TENM4: variants seen among roughly 807,000 people sequenced by gnomAD.
TENM4 encodes the protein teneurin-4.
TENM4 carries 82 observed loss-of-function variants against 243.3 expected under a neutral mutation model. The ratio of observed to expected loss-of-function variants is 0.34; its 90% confidence interval spans 0.28 to 0.40. The LOEUF is 0.40. Among genes scored for constraint, TENM4 ranks in the 10% least tolerant of loss-of-function variants. The pLI is 1.00. For missense variants in TENM4, 3,138 were observed against 3,673.3 expected, an observed-to-expected ratio of 0.85 and a Z score of 3.77; for synonymous variants, 1,412 against 1,456.3, an observed-to-expected ratio of 0.97 and a Z score of 0.69.
chr11:79,383,293 G>A (rs1251910032), intron 1 of TENM4, among the ~76,000 whole-genome samples: 1 of 152,158 alleles, frequency 6.6e-6, no homozygotes, highest in African/African-American at 2.4e-5. Context: ...GCTCTCTTTT[G>A]GCTTCAGAAA....
intron 2 of TENM4, among the ~76,000 whole-genome samples, chr11:79,229,969 G>A (rs1864344243): frequency 1.3e-5 from 2 of 150,480 alleles, no homozygotes; most frequent in African/African-American, 2.5e-5. Flanking sequence ...TGCAACTACA[G>A]CTGCATATCA....
chr11:79,153,183 A>G (rs1862542252), intron 3 of TENM4, among the ~76,000 whole-genome samples: 1 of 152,220 alleles, frequency 6.6e-6, no homozygotes, highest in African/African-American at 2.4e-5. Flanking sequence ...CATGAATAAC[A>G]ACCAATTCAA....
intron 1 of TENM4, among the ~76,000 whole-genome samples, chr11:79,327,248 A>G (rs557702849): frequency 1.2e-4 from 18 of 152,372 alleles, no homozygotes; most frequent in African/African-American, 4.3e-4. Context: ...CAAAAATAAA[A>G]CACTATAATT....
intron 3 of TENM4, among the ~76,000 whole-genome samples, chr11:79,164,067 GTA>G (rs200548884): frequency 0.17 from 4,256 of 24,848 alleles, 142 homozygotes; most frequent in Non-Finnish European, 0.31. Flanking sequence ...TATATATAGT[GTA>G]TATATACACT....
intron 6 of TENM4, among the ~76,000 whole-genome samples, chr11:79,062,540 T>C (rs1860129456): frequency 6.6e-6 from 1 of 152,202 alleles, no homozygotes; most frequent in African/African-American, 2.4e-5. Context: ...TTAAAAACTC[T>C]AAGAAGCCCT....
intron 2 of TENM4, among the ~76,000 whole-genome samples, chr11:79,263,876 A>G (rs1442883516): frequency 6.6e-6 from 1 of 152,202 alleles, no homozygotes; most frequent in African/African-American, 2.4e-5. Flanking sequence ...TTAACCACAT[A>G]TGAGAAAAGT....
chr11:79,395,955 G>A (rs1385856012), intron 1 of TENM4, among the ~76,000 whole-genome samples: 1 of 152,128 alleles, frequency 6.6e-6, no homozygotes, highest in East Asian at 1.9e-4. Context: ...TAAAATGGAG[G>A]CAATAATATT....
At chr11:78,991,290 A>T (rs1858037637) in intron 6 of TENM4, among the ~76,000 whole-genome samples, 1 of 103,194 alleles carries the variant, frequency 9.7e-6, no homozygotes, top group Admixed American at 1.2e-4. Context: ...TTTGAACTTC[A>T]CATCCCTTTT....
At chr11:78,960,748 T>C (rs1425353208) in intron 6 of TENM4, among the ~76,000 whole-genome samples, 1 of 152,224 alleles carries the variant, frequency 6.6e-6, no homozygotes, top group Non-Finnish European at 1.5e-5. Flanking sequence ...ACTAGGTTCC[T>C]ACCGCCTTTG....
chr11:79,027,383 C>T (rs551966214), intron 6 of TENM4, among the ~76,000 whole-genome samples: 26 of 152,104 alleles, frequency 1.7e-4, no homozygotes, highest in Non-Finnish European at 3.2e-4. Flanking sequence ...GTGGACTTTC[C>T]CTGGATCACA....
intron 28 of TENM4, among the ~76,000 whole-genome samples, chr11:78,689,064 C>A (rs1378496880): frequency 6.6e-6 from 1 of 152,048 alleles, no homozygotes; most frequent in African/African-American, 2.4e-5. Flanking sequence ...TCATTTAATC[C>A]TTGTCTAAAA....
At chr11:79,392,970 T>C (rs1858266871) in intron 1 of TENM4, among the ~76,000 whole-genome samples, 1 of 152,156 alleles carries the variant, frequency 6.6e-6, no homozygotes, top group Admixed American at 6.5e-5. Context: ...TTGGCTCCTA[T>C]CTTGGACACC....
rs193277103 is a variant in TENM4 at position 78,747,545 on chromosome 11, T to C, written c.2757-8975A>G. 1.3e-3 allele frequency among the ~76,000 whole-genome samples: 200 copies of C among 152,184 alleles called. 1 individual carries two copies. The highest frequency in any genetic ancestry group is 3.3e-3 in the Admixed American group (51 of 15,290). On this transcript the variant is annotated intron_variant, in intron 19 of 33. Transcript: ENST00000278550. ...CAGGGTGGACTCACATGGCCCCCAC[T>C]GTGGTGGGAGGAGGAGATCCAGGCA...
At chr11:78,868,927 T>A (rs761969230) in intron 9 of TENM4, among the ~76,000 whole-genome samples, 5 of 152,198 alleles carry the variant, frequency 3.3e-5, no homozygotes, top group African/African-American at 1.2e-4. Context: ...TTTTTTTTTT[T>A]AAATGACTAT....
chr11:78,850,059 C>CTTTG (rs1164473696), intron 12 of TENM4, among the ~76,000 whole-genome samples: 1 of 115,224 alleles, frequency 8.7e-6, no homozygotes, highest in African/African-American at 3.8e-5. Flanking sequence ...GGTTTCAGTG[C>CTTTG]TCTGTGTGTG....
At position 78,672,115 on chromosome 11, in the gene TENM4, C is replaced by A. The variant is rs759382211; in HGVS notation, c.5711G>T (p.Arg1904Ile). 4 of 1,613,930 alleles carry A rather than the reference C, an allele frequency of 2.5e-6. No individual in the cohort carries two copies. The African/African-American group carries it at 5.3e-5, about 22-fold the overall frequency. ...AGIQRGIMSE[R>I]MEYDQAGRIT... is the part of the protein sequence containing the mutation. ...GCGGCCCGCCTGGTCGTATTCCATT[C>A]TTTCAGACATGATGCCCCTCTGGAT... Residue 1904 changes from arginine to isoleucine, a missense_variant, in exon 31 of 34, where the codon AGA becomes ATA. Around this residue, in one of 2 missense-constraint regions of TENM4, gnomAD observed 2,467 missense variants for 3,059.1 expected, o/e 0.81. Transcript: ENST00000278550.
intron 3 of TENM4, among the ~76,000 whole-genome samples, chr11:79,197,527 G>A (rs1863655897): frequency 1.3e-5 from 2 of 152,090 alleles, no homozygotes; most frequent in Non-Finnish European, 2.9e-5. Context: ...AAGTTCACAA[G>A]TACCCAGAAT....
chr11:79,376,741 G>C (rs909913987), intron 1 of TENM4, among the ~76,000 whole-genome samples: 2 of 152,170 alleles, frequency 1.3e-5, no homozygotes, highest in African/African-American at 2.4e-5. Flanking sequence ...ACTGCTAACT[G>C]CCTATCCTGC....
At position 78,926,865 on chromosome 11, in the gene TENM4, G is replaced by T. The variant is rs184707049; in HGVS notation, c.494-23342C>A. 2.4e-3 allele frequency among the ~76,000 whole-genome samples: 358 copies of T among 152,008 alleles called. 1 individual carries two copies. Among genetic ancestry groups the T allele is most frequent in the Non-Finnish European group, 3.4e-3 (231 of 67,960 alleles). On this transcript the variant is annotated intron_variant, in intron 6 of 33. Transcript: ENST00000278550. ...CCATCTGGAATCCATCAGTGACATGGGCTTTTGAAGCTTTTAGAAATGTTT... is the reference window on the plus strand; with the variant it reads ...CCATCTGGAATCCATCAGTGACATGTGCTTTTGAAGCTTTTAGAAATGTTT...
Sources: allele counts gnomAD v4.1 joint callset (sites outside exome capture counted in the v4.1 genomes callset), GRCh38; gene constraint gnomAD v4.1.1; regional missense constraint gnomAD v4.1.1; transcripts MANE v1.5; gene names NCBI Gene and HGNC (gene_info 2026-07-23, HGNC 2026-07-21).